The following MSRA variants were observed in gnomAD, a reference collection of about 807,000 sequenced individuals.
MSRA encodes the protein methionine sulfoxide reductase A.
In MSRA, 54 loss-of-function variants were observed where a neutral mutation model predicts 31.3. The ratio of observed to expected loss-of-function variants is 1.73; its 90% CI spans 1.39 to 2.17. MSRA has a LOEUF of 2.17. MSRA is among the 30% of genes most tolerant of loss of function. The pLI is 0.00. For synonymous variants in MSRA, 169 were observed against 116.5 expected, an observed-to-expected ratio of 1.45 and a Z score of -2.90; for missense variants, 507 against 300.9, an observed-to-expected ratio of 1.69 and a Z score of -5.07.
rs114288499 is a variant in MSRA, at chr8:10,110,465, G to C, written c.142+55807G>C. ...CCTCACTGCTGGCTGGAAGTGGGGT[G>C]CATGATTTAAGTTAGGAGAAACAGT... On this transcript the variant is annotated intron_variant, in intron 1 of 5. Coordinates refer to ENST00000317173, the MANE Select transcript of MSRA (RefSeq NM_012331.5). Among the ~76,000 whole-genome samples, 1,206 of 152,290 alleles carry C rather than the reference G, an allele frequency of 7.9e-3. 16 individuals are homozygous for C. The highest frequency in any genetic ancestry group is 0.026 in the African/African-American group (1,086 of 41,558).
intron 2 of MSRA, among the ~76,000 whole-genome samples, chr8:10,218,496 C>G (rs995443994): frequency 6.6e-6 from 1 of 152,162 alleles, no homozygotes; most frequent in African/African-American, 2.4e-5. Context: ...ATCATTGCCT[C>G]AGTCCATTAT....
At chr8:10,411,309 T>C (rs1314635431) in intron 5 of MSRA, 1 of 152,234 alleles carries the variant, frequency 6.6e-6, no homozygotes, top group Non-Finnish European at 1.5e-5. Flanking sequence ...GTTCACACCG[T>C]GTCGTTTTTA....
At chr8:10,092,758 T>C (rs183625270) in intron 1 of MSRA, among the ~76,000 whole-genome samples, 24 of 152,342 alleles carry the variant, frequency 1.6e-4, no homozygotes, top group African/African-American at 5.8e-4. Context: ...TTTTGTCTAG[T>C]TGTTCTCACA....
At chr8:10,269,713 T>G (rs2952181) in intron 3 of MSRA, among the ~76,000 whole-genome samples, 3 of 152,164 alleles carry the variant, frequency 2.0e-5, no homozygotes, top group African/African-American at 7.2e-5. Context: ...TGCAGTGACT[T>G]GATCTCGGCT....
At chr8:10,366,640 G>T (rs535219818) in intron 5 of MSRA, among the ~76,000 whole-genome samples, 1 of 152,104 alleles carries the variant, frequency 6.6e-6, no homozygotes, top group Non-Finnish European at 1.5e-5. Context: ...CCCTGCTCCC[G>T]CATCCCCTGC....
intron 5 of MSRA, among the ~76,000 whole-genome samples, chr8:10,418,806 T>G (rs1808631216): frequency 1.1e-5 from 1 of 93,522 alleles, no homozygotes. Context: ...ATGTGTATTT[T>G]ACTACGACTA....
chr8:10,250,437 T>G lies in MSRA; in HGVS notation c.331+5214T>G, dbSNP rs762370749. On this transcript the variant is annotated intron_variant, in intron 3 of 5. Transcript: ENST00000317173. ...TTTGCTTACAGATGTTCAGAACAATTCCATGTTTATTAGTCTATTCAAAAG... is the reference window on the plus strand; with the variant it reads ...TTTGCTTACAGATGTTCAGAACAATGCCATGTTTATTAGTCTATTCAAAAG... The G allele has an allele frequency of 1.3e-5, 9 of 702,486 alleles. No individual in the cohort carries two copies. The South Asian group carries it at 1.3e-4, about 10-fold the overall frequency. 43.5% of individuals were successfully genotyped at this position (702,486 alleles called of 1,614,324 possible).
intron 3 of MSRA, among the ~76,000 whole-genome samples, chr8:10,259,039 G>A (rs1798328891): frequency 6.6e-6 from 1 of 152,024 alleles, no homozygotes; most frequent in Non-Finnish European, 1.5e-5. Context: ...CCTGGAAGGT[G>A]GAGGTTGCCG....
At chr8:10,274,703 G>T (rs529229417) in intron 3 of MSRA, among the ~76,000 whole-genome samples, 29 of 151,788 alleles carry the variant, frequency 1.9e-4, no homozygotes, top group Middle Eastern at 3.4e-3. Flanking sequence ...CTACTCATCC[G>T]CCCATTTATC....
chr8:10,289,751 A>C (rs1219151124), intron 3 of MSRA, among the ~76,000 whole-genome samples: 1 of 152,190 alleles, frequency 6.6e-6, no homozygotes, highest in Non-Finnish European at 1.5e-5. Flanking sequence ...GAACACAGAC[A>C]CTTTTAGGAA....
intron 1 of MSRA, among the ~76,000 whole-genome samples, chr8:10,146,572 G>C (rs952864688): frequency 6.6e-6 from 1 of 152,166 alleles, no homozygotes; most frequent in Non-Finnish European, 1.5e-5. Context: ...GGGGTATTTT[G>C]GGGGTGATGA....
In MSRA at chr8:10,116,542, C is replaced by T. The variant is rs566974960; in HGVS notation, c.142+61884C>T. ...TGAGGCTTCTACAGATTGTTGTAGGCTGGTAGCCATCTAGATAAGTAGACA... is the reference window on the plus strand; with the variant it reads ...TGAGGCTTCTACAGATTGTTGTAGGTTGGTAGCCATCTAGATAAGTAGACA... On this transcript the variant is annotated intron_variant, in intron 1 of 5. Transcript: ENST00000317173. Among the ~76,000 whole-genome samples, 5 of 152,180 alleles carry T rather than the reference C, an allele frequency of 3.3e-5. 1 individual carries two copies.
intron 1 of MSRA, among the ~76,000 whole-genome samples, chr8:10,199,245 G>T (rs895770113): frequency 7.9e-5 from 12 of 152,160 alleles, no homozygotes; most frequent in African/African-American, 2.9e-4. Context: ...TCCCCAGACA[G>T]TCTGCAGTCT....
At position 10,190,162 on chromosome 8, in the gene MSRA, G is replaced by C. The variant is rs370758385; in HGVS notation, c.143-17671G>C. Among the ~76,000 whole-genome samples, 10 of 152,132 alleles carry C rather than the reference G, an allele frequency of 6.6e-5. No individual in the cohort carries two copies. The East Asian group carries it at 1.2e-3, about 18-fold the overall frequency. On this transcript the variant is annotated intron_variant, in intron 1 of 5. Coordinates refer to ENST00000317173, the MANE Select transcript of MSRA (RefSeq NM_012331.5). ...GTAGAGGGCGCTTTGGGGGAGGGGG[G>C]TCATTGCTGGAGGAAGTCTCTCTTG... is the stretch of plus-strand genomic sequence containing the variant.
At chr8:10,328,593 C>G (rs748662998) in intron 5 of MSRA, among the ~76,000 whole-genome samples, 5 of 152,112 alleles carry the variant, frequency 3.3e-5, no homozygotes, top group Non-Finnish European at 5.9e-5. Flanking sequence ...CACGGCATCT[C>G]TACTGTATGT....
chr8:10,320,039 G>A, intron 5 of MSRA, 50 bp downstream of exon 5: 1 of 1,246,248 alleles, frequency 8.0e-7, no homozygotes, highest in Non-Finnish European at 1.1e-6. Flanking sequence ...CATGACTAGG[G>A]CCAGGTTCTG....
At chr8:10,343,035 A>G (rs1269375275) in intron 5 of MSRA, among the ~76,000 whole-genome samples, 2 of 107,630 alleles carry the variant, frequency 1.9e-5, no homozygotes, top group Admixed American at 1.2e-4. Flanking sequence ...ACACACACAC[A>G]CACACACACA....
chr8:10,201,992 G>T (rs28523656), intron 1 of MSRA, among the ~76,000 whole-genome samples: 1 of 152,134 alleles, frequency 6.6e-6, no homozygotes, highest in African/African-American at 2.4e-5. Context: ...CTGGGTAACA[G>T]ATGTCCCTGT....
intron 1 of MSRA, among the ~76,000 whole-genome samples, chr8:10,159,204 G>A (rs1378155992): frequency 6.6e-6 from 1 of 152,222 alleles, no homozygotes; most frequent in African/African-American, 2.4e-5. Flanking sequence ...GGTCAGATGT[G>A]AGGATTGGGG....
Sources: allele counts gnomAD v4.1 joint callset (sites outside exome capture counted in the v4.1 genomes callset), GRCh38; gene constraint gnomAD v4.1.1; transcripts MANE v1.5; gene names NCBI Gene and HGNC (gene_info 2026-07-23, HGNC 2026-07-21).